GRM7: variants seen among roughly 807,000 people sequenced by gnomAD.
The protein encoded by GRM7 is glutamate metabotropic receptor 7.
GRM7 carries 35 observed loss-of-function variants against 84.5 expected under a neutral mutation model. The ratio of observed to expected loss-of-function variants is 0.41; its 90% CI spans 0.32 to 0.55. The LOEUF (loss-of-function observed/expected upper bound fraction) is 0.55. Among genes scored for constraint, GRM7 ranks in the 20% least tolerant of loss-of-function variants. The pLI is 0.19. For missense variants in GRM7, 1,003 were observed against 1,194.6 expected (o/e 0.84, Z 2.36); for synonymous variants, 487 against 455.1 (o/e 1.07, Z -0.89).
chr3:7,113,530 A>G (rs1319162455), intron 1 of GRM7, among the ~76,000 whole-genome samples: 1 of 152,144 alleles, frequency 6.6e-6, no homozygotes, highest in Non-Finnish European at 1.5e-5. Flanking sequence ...GATTACAGGC[A>G]TGACTCTTGA....
At chr3:7,507,459 A>G (rs964118776) in intron 7 of GRM7, among the ~76,000 whole-genome samples, 1 of 152,224 alleles carries the variant, frequency 6.6e-6, no homozygotes, top group African/African-American at 2.4e-5. Flanking sequence ...CGTTTCTTCT[A>G]AAAAAGTATT....
chr3:7,658,997 A>G (rs1415223740), intron 8 of GRM7, among the ~76,000 whole-genome samples: 1 of 152,208 alleles, frequency 6.6e-6, no homozygotes, highest in Admixed American at 6.5e-5. Flanking sequence ...AGATTTTAAG[A>G]TTTCTGCAAA....
intron 1 of GRM7, among the ~76,000 whole-genome samples, chr3:6,870,763 A>G (rs975844458): frequency 6.6e-6 from 1 of 152,124 alleles, no homozygotes; most frequent in African/African-American, 2.4e-5. Flanking sequence ...GGGATGTGAA[A>G]GAAAGAACAG....
At chr3:7,031,772 G>A (rs1696192252) in intron 1 of GRM7, among the ~76,000 whole-genome samples, 1 of 152,008 alleles carries the variant, frequency 6.6e-6, no homozygotes, top group South Asian at 2.1e-4. Flanking sequence ...TGTGTCCCAT[G>A]TAGAACGTAT....
intron 8 of GRM7, among the ~76,000 whole-genome samples, chr3:7,637,441 C>T (rs1247796432): frequency 6.6e-6 from 1 of 152,218 alleles, no homozygotes; most frequent in South Asian, 2.1e-4. Context: ...TGTTGTCATT[C>T]AGGACGGATC....
chr3:7,556,260 C>A (rs1693752924), intron 7 of GRM7, among the ~76,000 whole-genome samples: 2 of 152,144 alleles, frequency 1.3e-5, no homozygotes, highest in Middle Eastern at 3.4e-3. Context: ...TTTAATCATC[C>A]CCAATGGTTC....
At chr3:7,443,976 A>G in intron 5 of GRM7, among the ~76,000 whole-genome samples, 1 of 152,228 alleles carries the variant, frequency 6.6e-6, no homozygotes, top group East Asian at 1.9e-4. Flanking sequence ...AATGTCAAGA[A>G]CAAAACAGGA....
chr3:7,099,494 C>A (rs1699004912), intron 1 of GRM7, among the ~76,000 whole-genome samples: 1 of 144,472 alleles, frequency 6.9e-6, no homozygotes, highest in Non-Finnish European at 1.5e-5. Context: ...TATGTACACG[C>A]ATTATACATG....
intron 7 of GRM7, among the ~76,000 whole-genome samples, chr3:7,465,612 G>T (rs972896038): frequency 1.3e-5 from 2 of 152,048 alleles, no homozygotes; most frequent in African/African-American, 4.8e-5. Flanking sequence ...TGGGCAAACG[G>T]TTTTGTAGGT....
At chr3:7,722,605 G>A (rs1701989338) in intron 9 of GRM7, among the ~76,000 whole-genome samples, 1 of 152,044 alleles carries the variant, frequency 6.6e-6, no homozygotes, top group Non-Finnish European at 1.5e-5. Context: ...ACCATGCCCG[G>A]CTAAGTTTTG....
chr3:7,023,340 C>T (rs1695850052), intron 1 of GRM7, among the ~76,000 whole-genome samples: 1 of 152,052 alleles, frequency 6.6e-6, no homozygotes, highest in African/African-American at 2.4e-5. Flanking sequence ...CCTGATGCTT[C>T]TGGAAAGAAG....
At chr3:6,978,765 T>C (rs1428378390) in intron 1 of GRM7, among the ~76,000 whole-genome samples, 6 of 152,144 alleles carry the variant, frequency 3.9e-5, no homozygotes, top group African/African-American at 1.4e-4. Flanking sequence ...TTAAAAATAA[T>C]GGAGAAGACT....
chr3:7,267,021 T>C (rs76782599), intron 2 of GRM7, among the ~76,000 whole-genome samples: 32 of 152,324 alleles, frequency 2.1e-4, no homozygotes, highest in African/African-American at 7.7e-4. Context: ...GTAAAGATAA[T>C]TGCTGATCTT....
chr3:7,364,962 A>G (rs968886460), intron 4 of GRM7, among the ~76,000 whole-genome samples: 1 of 151,842 alleles, frequency 6.6e-6, no homozygotes, highest in Non-Finnish European at 1.5e-5. Flanking sequence ...AGCTTTTAGC[A>G]TTAATTTCAA....
intron 2 of GRM7, among the ~76,000 whole-genome samples, chr3:7,264,812 G>GA (rs1163330542): frequency 1.3e-5 from 2 of 151,118 alleles, no homozygotes; most frequent in Non-Finnish European, 2.9e-5. Flanking sequence ...TCCAGTACAG[G>GA]CCACAAAGAC....
At chr3:6,971,964 A>G (rs149750272) in intron 1 of GRM7, among the ~76,000 whole-genome samples, 156 of 152,344 alleles carry the variant, frequency 1.0e-3, no homozygotes, top group African/African-American at 3.5e-3. Context: ...ATAGCATTTT[A>G]GAAATAATAA....
intron 9 of GRM7, among the ~76,000 whole-genome samples, chr3:7,701,385 C>T (rs1036876531): frequency 1.3e-5 from 2 of 149,912 alleles, no homozygotes; most frequent in African/African-American, 2.5e-5. Flanking sequence ...ACTACAAGCT[C>T]CGTCTCCTGG....
At position 7,131,090 on chromosome 3, in the gene GRM7, T is replaced by G. The variant is rs375473333; in HGVS notation, c.520-15362T>G. On this transcript the variant is annotated intron_variant, in intron 1 of 9. Transcript: ENST00000357716. Reference sequence around the variant, plus strand: ...ATTTATTTTCCCTTTTCTATTCTCATATATTCATCCAGGAGCTAGGAAGGA... The same window carrying G: ...ATTTATTTTCCCTTTTCTATTCTCAGATATTCATCCAGGAGCTAGGAAGGA... 7.4e-4 allele frequency among the ~76,000 whole-genome samples: 112 copies of G among 152,264 alleles called. 1 individual carries two copies. The South Asian group carries it at 0.022, about 30-fold the overall frequency.
At chr3:6,980,385 G>A (rs1300889200) in intron 1 of GRM7, among the ~76,000 whole-genome samples, 1 of 152,090 alleles carries the variant, frequency 6.6e-6, no homozygotes, top group Non-Finnish European at 1.5e-5. Context: ...AGGTGGTAAT[G>A]GAGCCATGGG....
Sources: gnomAD v4.1 joint callset for allele counts (sites outside exome capture counted in the v4.1 genomes callset) on GRCh38, gnomAD v4.1.1 for gene constraint, MANE v1.5 for transcripts, NCBI Gene and HGNC (gene_info 2026-07-23, HGNC 2026-07-21) for gene names.